The following SCAANT1 variants were observed in gnomAD, a reference collection of about 807,000 sequenced individuals.
SCAANT1 encodes the protein SCA7/ATXN7 antisense RNA 1.
exon 1 of SCAANT1, chr3:63,911,693 G>A (rs1704017282): frequency 6.6e-6 from 1 of 152,306 alleles, no homozygotes; most frequent in Non-Finnish European, 1.5e-5. Flanking sequence ...AAGTTCCCCA[G>A]GCGCACAGTG....
exon 1 of SCAANT1, chr3:63,911,559 C>A (rs2107292208): frequency 6.6e-6 from 1 of 152,272 alleles, no homozygotes; most frequent in East Asian, 1.9e-4. Flanking sequence ...GAATGAATCA[C>A]TTCCAGAAAC....
At chr3:63,911,736 T>A (rs1360464235) in exon 1 of SCAANT1, 4 of 152,286 alleles carry the variant, frequency 2.6e-5, no homozygotes, top group Non-Finnish European at 5.9e-5. Context: ...GGCACACATG[T>A]GGGCGGCGTG....
upstream of SCAANT1, among the ~76,000 whole-genome samples, chr3:63,912,346 C>T (rs1247387295): frequency 2.0e-5 from 3 of 151,550 alleles, no homozygotes; most frequent in East Asian, 2.0e-4. Flanking sequence ...CCGCCTGCTG[C>T]CCGTCCCCTC....
chr3:63,911,818 C>T (rs1704023746), upstream of SCAANT1: 3 of 152,326 alleles, frequency 2.0e-5, no homozygotes, highest in African/African-American at 4.8e-5. Flanking sequence ...GCCCAAGGTT[C>T]CCTGCACGCC....
upstream of SCAANT1, chr3:63,911,836 C>T (rs567937403): frequency 6.6e-6 from 1 of 152,462 alleles, no homozygotes; most frequent in South Asian, 2.1e-4. Flanking sequence ...GCCCGGAGTC[C>T]GCTCTGCGGC....
chr3:63,911,899 A>G (rs1474796479), upstream of SCAANT1: 1 of 152,342 alleles, frequency 6.6e-6, no homozygotes, highest in Non-Finnish European at 1.5e-5. Flanking sequence ...AGCCGAGGGC[A>G]AAGTGCCCCC....
chr3:63,911,710 C>T (rs1167260065), exon 1 of SCAANT1: 1 of 152,304 alleles, frequency 6.6e-6, no homozygotes, highest in African/African-American at 2.4e-5. Context: ...AGTGTGACTT[C>T]CAATTGCGGG....
upstream of SCAANT1, chr3:63,912,251 T>C (rs1056035757): frequency 6.6e-6 from 1 of 151,316 alleles, no homozygotes; most frequent in Non-Finnish European, 1.5e-5. Flanking sequence ...GGGCGCGGGG[T>C]TGGAGCCGGG....
At chr3:63,912,239 T>C (rs6785040), upstream of SCAANT1, 30,436 of 151,646 alleles carry the variant, frequency 0.2, 3,393 homozygotes, top group East Asian at 0.39. Context: ...GCTGCCATGG[T>C]GGGGCGCGGG....
chr3:63,911,957 C>G (rs1356138265), upstream of SCAANT1: 3 of 152,416 alleles, frequency 2.0e-5, no homozygotes, highest in Non-Finnish European at 4.4e-5. Context: ...GCCGGCTCCT[C>G]CATAGGTGGC....
exon 1 of SCAANT1, chr3:63,911,522 A>G (rs1704012509): frequency 6.6e-6 from 1 of 152,202 alleles, no homozygotes; most frequent in African/African-American, 2.4e-5. Context: ...TCAAGTTAAA[A>G]ATGAATCAGA....
upstream of SCAANT1, chr3:63,912,108 G>C (rs1255869405): frequency 1.3e-5 from 2 of 152,202 alleles, no homozygotes; most frequent in Non-Finnish European, 2.9e-5. Context: ...GGGTGCCGCC[G>C]CTCGGACGGA....
chr3:63,911,627 C>T lies in SCAANT1; in HGVS notation n.146G>A, dbSNP rs563107256. On this transcript the variant is annotated non_coding_transcript_exon_variant, in exon 1 of 1. Transcript: ENST00000626439. ...TTAAAGCTTCTCTCGGTTTGTTTCA[C>T]TCTCCTCCATTCCCTCGCACACTGA... The T allele has an allele frequency of 2.6e-5, 4 of 152,312 alleles. No individual in the cohort carries two copies. In the South Asian group the frequency reaches 8.3e-4, roughly 32 times the overall value. The allele number at this position is 152,312 out of a possible 1,614,324, so 9.4% of individuals were successfully genotyped here. A position where few individuals can be genotyped will look rare whatever the true frequency, so the allele number is the denominator to read the frequency against.
exon 1 of SCAANT1, chr3:63,911,530 A>C (rs965706689): frequency 2.6e-5 from 4 of 152,332 alleles, no homozygotes; most frequent in African/African-American, 7.2e-5. Context: ...AAAATGAATC[A>C]GATTTTTACT....
At chr3:63,912,079 C>T (rs909186184), upstream of SCAANT1, 5 of 152,254 alleles carry the variant, frequency 3.3e-5, no homozygotes, top group Admixed American at 6.5e-5. Flanking sequence ...GGAGGCGTCT[C>T]CGCTTAAGGG....
upstream of SCAANT1, chr3:63,912,002 G>A (rs1401149520): frequency 6.6e-6 from 1 of 152,332 alleles, no homozygotes; most frequent in African/African-American, 2.4e-5. Context: ...CCAGTCCGGG[G>A]GCTTGACGTG....
chr3:63,911,609 TTC>T (rs932202207), exon 1 of SCAANT1: 11 of 152,282 alleles, frequency 7.2e-5, no homozygotes, highest in Admixed American at 5.9e-4. Flanking sequence ...GGGTTAAAGC[TTC>T]TCTCGGTTTG....
chr3:63,912,306 A>C (rs1363598535), upstream of SCAANT1: 1 of 152,094 alleles, frequency 6.6e-6, no homozygotes, highest in African/African-American at 2.4e-5. Flanking sequence ...GAGCAGAAGC[A>C]GGCAGGGGAC....
At chr3:63,912,097 C>G (rs1156535503), upstream of SCAANT1, 2 of 152,168 alleles carry the variant, frequency 1.3e-5, no homozygotes, top group Admixed American at 6.5e-5. Flanking sequence ...GGGAGCCGGC[C>G]GGGTGCCGCC....
Sources: allele counts gnomAD v4.1 joint callset (sites outside exome capture counted in the v4.1 genomes callset), GRCh38; gene constraint gnomAD v4.1.1; transcripts MANE v1.5; gene names NCBI Gene and HGNC (gene_info 2026-07-23, HGNC 2026-07-21).